The following CRYBG1 variants were observed in gnomAD, a reference collection of about 807,000 sequenced individuals.
The protein encoded by CRYBG1 is crystallin beta-gamma domain containing 1.
Under a neutral mutation model 189.2 loss-of-function variants are expected in CRYBG1, and 139 were observed. The ratio of observed to expected loss-of-function variants is 0.73; its 90% CI spans 0.64 to 0.85. The LOEUF (loss-of-function observed/expected upper bound fraction) is 0.85. Ranked by LOEUF, CRYBG1 falls within the 40% of genes least tolerant of loss-of-function variation. The pLI, the probability that CRYBG1 is intolerant of heterozygous loss-of-function variation, is 0.00. For synonymous variants in CRYBG1, 1,023 were observed against 1,017.1 expected (o/e 1.01, Z -0.11); for missense variants, 2,611 against 2,675.8 (o/e 0.98, Z 0.53).
intron 2 of CRYBG1, among the ~76,000 whole-genome samples, chr6:106,459,214 T>C (rs1380458779): frequency 6.6e-6 from 1 of 152,212 alleles, no homozygotes; most frequent in Non-Finnish European, 1.5e-5. Flanking sequence ...TGTTGTCTTC[T>C]TTGAGGCACT....
At chr6:106,430,256 C>A (rs567724144) in intron 1 of CRYBG1, among the ~76,000 whole-genome samples, 1 of 152,174 alleles carries the variant, frequency 6.6e-6, no homozygotes, top group Non-Finnish European at 1.5e-5. Flanking sequence ...CGTAGCGAAA[C>A]CCCCATCTCT....
At chr6:106,429,755 G>A (rs1169732994) in intron 1 of CRYBG1, among the ~76,000 whole-genome samples, 1 of 152,184 alleles carries the variant, frequency 6.6e-6, no homozygotes, top group African/African-American at 2.4e-5. Flanking sequence ...TGCATAAAAT[G>A]CAAGTAATAA....
rs772504492 is a variant in CRYBG1 at position 106,519,542 on chromosome 6, T to G, written c.2334T>G (p.Gly778=). 9.3e-6 allele frequency: 15 copies of G among 1,614,034 alleles called. No individual in the cohort carries two copies. The highest frequency in any genetic ancestry group is 1.3e-5 in the African/African-American group (1 of 74,924). The change falls in exon 4 of 22, where the codon GGT becomes GGG. Residue 778 remains glycine (G), a synonymous_variant. Transcript: ENST00000633556. ...NGDSSENQAL[G]PQPNQDDKAD... ...ACTCTTCTGAGAATCAAGCTCTTGG[T>G]CCTCAGCCTAACCAAGATGATAAAG...
At chr6:106,539,058 G>A (rs783399) in intron 8 of CRYBG1, among the ~76,000 whole-genome samples, 95,443 of 151,994 alleles carry the variant, frequency 0.63, 30,221 homozygotes, top group East Asian at 0.89. Flanking sequence ...ATTAGATGAA[G>A]TTCTCAGTGG....
intron 13 of CRYBG1, among the ~76,000 whole-genome samples, chr6:106,548,656 C>A (rs1266198221): frequency 6.6e-6 from 1 of 152,050 alleles, no homozygotes; most frequent in African/African-American, 2.4e-5. Context: ...CTGGTGAGAA[C>A]CCTTTTTTTG....
At chr6:106,369,226 A>G (rs1769965279) in intron 1 of CRYBG1, among the ~76,000 whole-genome samples, 1 of 152,230 alleles carries the variant, frequency 6.6e-6, no homozygotes, top group Non-Finnish European at 1.5e-5. Flanking sequence ...TAGACAAGTA[A>G]AGGTTGCACC....
rs1324235314 is a variant in CRYBG1 at position 106,527,442 on chromosome 6, T to C, written c.4550T>C (p.Val1517Ala). 3.1e-6 allele frequency: 5 copies of C among 1,612,084 alleles called. No homozygotes were observed. Among genetic ancestry groups the C allele is most frequent in the Non-Finnish European group, 3.4e-6 (4 of 1,178,792 alleles). The change falls in exon 7 of 22, where the codon GTG (valine) becomes GCG (alanine). Residue 1517 changes from valine (V) to alanine (A), a missense_variant. Val to Ala is a moderately conservative substitution (Grantham distance 64). Coordinates refer to ENST00000633556, the MANE Select transcript of CRYBG1 (RefSeq NM_001371242.2). ...HEEAESDKPV[V>A]IGSIRHVVQD... ...GAAGCAGAGTCTGATAAGCCAGTGG[T>C]GATTGGTTCCATCAGACATGTGGTT...
chr6:106,514,269 A>T (rs1773368163), intron 3 of CRYBG1, among the ~76,000 whole-genome samples: 1 of 152,208 alleles, frequency 6.6e-6, no homozygotes, highest in Non-Finnish European at 1.5e-5. Flanking sequence ...GTGAATAATG[A>T]TTAAGTGCTT....
In CRYBG1 at chr6:106,366,513, G is replaced by A. The variant is rs1193624709; in HGVS notation, c.173+5432G>A. On this transcript the variant is annotated intron_variant, in intron 1 of 21. Transcript: ENST00000633556. The stretch of plus-strand genomic sequence containing the variant: ...AATATATATTTTTTAAAAATGACTA[G>A]CCTAGTACCTGGCAGATAACAGAAA... Among the ~76,000 whole-genome samples, 7 of 152,288 alleles carry A rather than the reference G, an allele frequency of 4.6e-5. No individual in the cohort carries two copies. In the East Asian group the frequency reaches 1.3e-3, roughly 29 times the overall value.
chr6:106,430,883 A>T (rs1375147106), intron 1 of CRYBG1, among the ~76,000 whole-genome samples: 1 of 151,966 alleles, frequency 6.6e-6, no homozygotes, highest in Admixed American at 6.6e-5. Context: ...TTGTTTAGAG[A>T]TGGAGTCTCG....
intron 1 of CRYBG1, among the ~76,000 whole-genome samples, chr6:106,439,333 A>G (rs371347705): frequency 1.3e-5 from 2 of 152,228 alleles, no homozygotes; most frequent in African/African-American, 4.8e-5. Context: ...GCATCTTTAT[A>G]TGTCCTACCA....
chr6:106,560,977 T>G, intron 19 of CRYBG1, 51 bp downstream of exon 19: 1 of 1,507,250 alleles, frequency 6.6e-7, no homozygotes, highest in Non-Finnish European at 8.9e-7. Context: ...GAAATTTTTT[T>G]GTAAATGCAA....
rs1773283808 is a variant in CRYBG1, at chr6:106,512,138, G to A, written c.1021G>A (p.Asp341Asn). The A allele has an allele frequency of 6.5e-7, 1 of 1,534,506 alleles. No homozygotes were observed. Among genetic ancestry groups the A allele is most frequent in the Non-Finnish European group, 8.7e-7 (1 of 1,146,020 alleles). Reference protein sequence around the residue: ...ARSQPPKGASDLPGEPPAEGA... With the variant: ...ARSQPPKGASNLPGEPPAEGA... ...CAGCCAGCCCCCCAAGGGCGCGTCT[G>A]ATTTGCCAGGTGAGCCTCCGGCCGA... The change falls in exon 3 of 22, where the codon GAT becomes AAT. Residue 341 changes from aspartate (D) to asparagine (N), a missense_variant. By Grantham distance (23) the Asp-to-Asn change is conservative. This residue lies in a region of CRYBG1 where 985 missense variants were observed against 924.4 expected (regional missense o/e 1.07). Transcript: ENST00000633556.
chr6:106,415,871 G>A (rs1030989653), intron 1 of CRYBG1, among the ~76,000 whole-genome samples: 4 of 152,166 alleles, frequency 2.6e-5, no homozygotes, highest in African/African-American at 9.7e-5. Context: ...CCTCATGTGG[G>A]CAACGATGTG....
rs1016524982 is a variant in CRYBG1, at chr6:106,525,170, G to A, written c.4283G>A (p.Arg1428Gln). ...AGTGTCCAAAATAAACTCAATCCCC[G>A]ACCTGGAAAGGTAAGATTATTTTCT... ...RGSVQNKLNPRPGKVVIYSEP... is the reference protein window; with the variant it reads ...RGSVQNKLNPQPGKVVIYSEP... The change falls in exon 5 of 22, where the codon CGA (arginine) becomes CAA (glutamine). Residue 1428 changes from arginine to glutamine, a missense_variant. Physicochemically the swap from Arg to Gln is conservative, Grantham distance 43 (BLOSUM62 1). This residue lies in a region of CRYBG1 where 1,622 missense variants were observed against 1,735.0 expected (regional missense o/e 0.93). Coordinates refer to ENST00000633556, the MANE Select transcript of CRYBG1 (RefSeq NM_001371242.2). The A allele has an allele frequency of 1.1e-5, 17 of 1,613,896 alleles. No individual in the cohort carries two copies. The African/African-American group carries it at 1.9e-4, about 18-fold the overall frequency.
At chr6:106,389,861 T>C (rs1353507628) in intron 1 of CRYBG1, among the ~76,000 whole-genome samples, 1 of 152,108 alleles carries the variant, frequency 6.6e-6, no homozygotes, top group Admixed American at 6.5e-5. Flanking sequence ...TGTATTGTGA[T>C]GTTTTAACTT....
intron 2 of CRYBG1, among the ~76,000 whole-genome samples, chr6:106,464,220 C>T (rs1023146315): frequency 8.5e-5 from 13 of 152,140 alleles, no homozygotes; most frequent in African/African-American, 2.9e-4. Context: ...GTTGGCCAGG[C>T]GCAGTGGCTC....
chr6:106,404,867 TC>T (rs1770792631), intron 1 of CRYBG1, among the ~76,000 whole-genome samples: 1 of 152,104 alleles, frequency 6.6e-6, no homozygotes, highest in Non-Finnish European at 1.5e-5. Context: ...CTACACTTTT[TC>T]CACAGTCTTC....
Position 106,519,709 on chromosome 6 carries a change from C to G in CRYBG1, c.2501C>G (p.Thr834Arg), listed in dbSNP as rs145099379. Residue 834 changes from threonine (T) to arginine (R), a missense_variant, in exon 4 of 22, where the codon ACA becomes AGA. Physicochemically the swap from Thr to Arg is moderately conservative, Grantham distance 71 (BLOSUM62 -1). This residue lies in a region of CRYBG1 where 1,622 missense variants were observed against 1,735.0 expected (regional missense o/e 0.93). Transcript: ENST00000633556. ...CTTGTACTTGAAAATGTAACCGATA[C>G]AGCACAAGACATCCCCACCACTGTG... is the stretch of plus-strand genomic sequence containing the variant. The part of the protein sequence containing the change: ...KSLVLENVTD[T>R]AQDIPTTVDT... 42 of 1,614,200 alleles carry G rather than the reference C, an allele frequency of 2.6e-5. No individual in the cohort carries two copies. The Middle Eastern group carries it at 2.3e-3, about 89-fold the overall frequency.
Sources: allele counts gnomAD v4.1 joint callset (sites outside exome capture counted in the v4.1 genomes callset), GRCh38; gene constraint gnomAD v4.1.1; regional missense constraint gnomAD v4.1.1; transcripts MANE v1.5; gene names NCBI Gene and HGNC (gene_info 2026-07-23, HGNC 2026-07-21).